EDA: variants seen among roughly 807,000 people sequenced by gnomAD.
EDA encodes the protein ectodysplasin-A.
EDA carries 2 observed loss-of-function variants against 23.6 expected under a neutral mutation model. That is an observed-to-expected ratio of 0.08 (90% CI 0.03 to 0.27). The LOEUF is 0.27. Ranked by LOEUF, EDA falls within the 10% of genes least tolerant of loss-of-function variation. The probability of loss-of-function intolerance (pLI) is 1.00; values close to 1 mark genes in which losing one functional copy is unlikely to be tolerated. For missense variants in EDA, 229 were observed against 324.2 expected (o/e 0.71, Z 2.26); for synonymous variants, 131 against 132.0 (o/e 0.99, Z 0.05).
intron 1 of EDA, among the ~76,000 whole-genome samples, chrX:69,678,165 T>C (rs1337443753): frequency 3.6e-5 from 4 of 110,963 alleles, no homozygotes; most frequent in African/African-American, 9.9e-5. Context: ...GGCTCTGTTC[T>C]GTTCCATTGA....
chrX:69,678,559 T>G (rs1934199241), intron 1 of EDA, among the ~76,000 whole-genome samples: 3 of 110,884 alleles, frequency 2.7e-5, no homozygotes, highest in Admixed American at 1.9e-4. Flanking sequence ...GTTGGATTCC[T>G]AGGTATTTTA....
intron 1 of EDA, among the ~76,000 whole-genome samples, chrX:69,621,973 G>T (rs775409319): frequency 3.6e-5 from 4 of 110,936 alleles, no homozygotes; most frequent in African/African-American, 1.3e-4. Context: ...TGCCCAGACT[G>T]GTCTTGAACT....
intron 1 of EDA, among the ~76,000 whole-genome samples, chrX:69,667,413 G>A (rs1469178288): frequency 6.3e-5 from 7 of 110,601 alleles, no homozygotes; most frequent in South Asian, 3.9e-4. Flanking sequence ...GTGCCTGGCC[G>A]TCTCTTTTAA....
At position 69,686,394 on chromosome X, in the gene EDA, A is replaced by T. The variant is rs183102889; in HGVS notation, c.396+69690A>T. 1.2e-4 allele frequency among the ~76,000 whole-genome samples: 14 copies of T among 112,410 alleles called. No homozygotes were observed. The East Asian group carries it at 3.9e-3, about 31-fold the overall frequency. Reference sequence around the variant, plus strand: ...CCTGCCTTAATCCATGCAAGGCACCAACAGTTTTTGCACCACTATTTTTTA... The same window carrying T: ...CCTGCCTTAATCCATGCAAGGCACCTACAGTTTTTGCACCACTATTTTTTA... On this transcript the variant is annotated intron_variant, in intron 1 of 7. Transcript: ENST00000374552.
At chrX:69,892,166 G>A (rs1411320973) in intron 1 of EDA, among the ~76,000 whole-genome samples, 1 of 111,838 alleles carries the variant, frequency 8.9e-6, no homozygotes, top group Non-Finnish European at 1.9e-5. Context: ...ATGCTTCTTT[G>A]ACAAATACCT....
At chrX:69,949,244 C>T (rs2018878474) in intron 1 of EDA, among the ~76,000 whole-genome samples, 1 of 112,080 alleles carries the variant, frequency 8.9e-6, no homozygotes, top group African/African-American at 3.2e-5. Context: ...TACATTAACT[C>T]TGGGAATGAT....
chrX:69,892,737 C>T (rs1310466724), intron 1 of EDA, among the ~76,000 whole-genome samples: 2 of 111,747 alleles, frequency 1.8e-5, no homozygotes, highest in Non-Finnish European at 3.8e-5. Context: ...GATGCTCTGG[C>T]AATCCTGGGC....
chrX:70,012,422 G>A (rs5980890), intron 2 of EDA, among the ~76,000 whole-genome samples: 50,332 of 110,517 alleles, frequency 0.46, 9,233 homozygotes, highest in African/African-American at 0.7. Context: ...TGCAACTACA[G>A]TAGCCTCAAG....
chrX:70,029,414 G>A, intron 4 of EDA, 90 bp from the exon 5 acceptor site: 1 of 1,053,006 alleles, frequency 9.5e-7, no homozygotes, highest in Non-Finnish European at 1.3e-6. Flanking sequence ...CTGGCTGCAG[G>A]GAGCATGGCT....
At chrX:70,018,214 G>T (rs758569916) in intron 2 of EDA, among the ~76,000 whole-genome samples, 1 of 111,490 alleles carries the variant, frequency 9.0e-6, no homozygotes, top group South Asian at 3.7e-4. Context: ...ACAAACAAAT[G>T]GAAAAAACAT....
chrX:69,684,324 T>A (rs1224293071), intron 1 of EDA, among the ~76,000 whole-genome samples: 1 of 111,116 alleles, frequency 9.0e-6, no homozygotes, highest in African/African-American at 3.3e-5. Flanking sequence ...CTCATAGCAG[T>A]GTGGGTCTAA....
At position 70,039,004 on chromosome X, in the gene EDA, G is replaced by T. The variant is rs960647364; in HGVS notation, c.*3395G>T. The T allele has an allele frequency of 8.9e-6, 1 of 112,017 alleles. No individual in the cohort carries two copies. Among genetic ancestry groups the T allele is most frequent in the Admixed American group, 9.4e-5 (1 of 10,589 alleles). 9.2% of individuals were successfully genotyped at this position (112,017 alleles called of 1,213,427 possible). ...TGGAAGTACTTGGCCCCCTTCAGGA[G>T]CCTGGCCAGGCAGGGAGAGAGTAGC... On this transcript the variant is annotated 3_prime_UTR_variant, in exon 8 of 8. Coordinates refer to ENST00000374552, the MANE Select transcript of EDA (RefSeq NM_001399.5).
In EDA at chrX:69,974,514, A is replaced by G. The variant is rs144134489; in HGVS notation, c.502+17382A>G. ...GGACATCAGCTTTGGGAAAGAATGTATGACTAAGTTATCAAAAACAATTGT... is the reference window on the plus strand; with the variant it reads ...GGACATCAGCTTTGGGAAAGAATGTGTGACTAAGTTATCAAAAACAATTGT... On this transcript the variant is annotated intron_variant, in intron 2 of 7. Coordinates refer to ENST00000374552, the MANE Select transcript of EDA (RefSeq NM_001399.5). 1.5e-4 allele frequency among the ~76,000 whole-genome samples: 17 copies of G among 110,309 alleles called. No individual in the cohort carries two copies. The East Asian group carries it at 4.8e-3, about 31-fold the overall frequency.
chrX:69,616,414 G>A lies in EDA; in HGVS notation c.106G>A (p.Glu36Lys), dbSNP rs1436803821. Residue 36 changes from glutamate to lysine, a missense_variant, in exon 1 of 8, where the codon GAA (glutamate) becomes AAA (lysine). By Grantham distance (56) the Glu-to-Lys change is moderately conservative. This residue lies in a region of EDA where 54 missense variants were observed against 42.4 expected (regional missense o/e 1.27). Transcript: ENST00000374552. ...TGGCGGGGCCCCTGCCCGGGCGGGC[G>A]AAGGGAACAGCTGCCTGCTCTTCCT... ...GCGGAPARAGEGNSCLLFLGF... is the reference protein window; with the variant it reads ...GCGGAPARAGKGNSCLLFLGF... The A allele has an allele frequency of 8.3e-7, 1 of 1,208,896 alleles. No individual in the cohort carries two copies. Among genetic ancestry groups the A allele is most frequent in the Non-Finnish European group, 1.1e-6 (1 of 894,993 alleles).
chrX:69,785,503 G>C (rs1330674158), intron 1 of EDA, among the ~76,000 whole-genome samples: 1 of 108,186 alleles, frequency 9.2e-6, no homozygotes. Context: ...TTAGCATGAA[G>C]GGTTGTTGAA....
At chrX:70,003,268 G>A (rs1223626902) in intron 2 of EDA, among the ~76,000 whole-genome samples, 1 of 111,712 alleles carries the variant, frequency 9.0e-6, no homozygotes, top group Non-Finnish European at 1.9e-5. Flanking sequence ...TCTCAAAGCA[G>A]TCAGGAATAT....
intron 1 of EDA, among the ~76,000 whole-genome samples, chrX:69,843,922 G>T (rs949279316): frequency 2.8e-5 from 3 of 106,662 alleles, no homozygotes; most frequent in Non-Finnish European, 5.8e-5. Flanking sequence ...CTCGGGAGGC[G>T]GAGGCAGGAG....
intron 1 of EDA, among the ~76,000 whole-genome samples, chrX:69,736,189 C>T (rs1287092978): frequency 9.1e-6 from 1 of 109,750 alleles, no homozygotes; most frequent in East Asian, 3.0e-4. Flanking sequence ...GCTGTAATCC[C>T]AGCTACTCGG....
intron 1 of EDA, among the ~76,000 whole-genome samples, chrX:69,942,537 G>A (rs756698612): frequency 9.0e-6 from 1 of 111,102 alleles, no homozygotes; most frequent in Non-Finnish European, 1.9e-5. Flanking sequence ...AGCCTGTAGG[G>A]TTTCCACTGA....
Sources: allele counts gnomAD v4.1 joint callset (sites outside exome capture counted in the v4.1 genomes callset), GRCh38; gene constraint gnomAD v4.1.1; regional missense constraint gnomAD v4.1.1; transcripts MANE v1.5; gene names NCBI Gene and HGNC (gene_info 2026-07-23, HGNC 2026-07-21).